PTGDR: variants seen among roughly 807,000 people sequenced by gnomAD.
PTGDR encodes PGD2 receptor.
PTGDR carries 19 observed loss-of-function variants against 17.4 expected under a neutral mutation model. That is an observed-to-expected ratio of 1.09 (90% CI 0.76 to 1.60). The LOEUF is 1.60. Among genes scored for constraint, PTGDR ranks in the 40% most tolerant of loss-of-function variants. The probability of loss-of-function intolerance (pLI) is 0.00; values close to 1 mark genes in which losing one functional copy is unlikely to be tolerated. For missense variants in PTGDR, 526 were observed against 481.9 expected, an observed-to-expected ratio of 1.09 and a Z score of -0.86; for synonymous variants, 267 against 224.2, an observed-to-expected ratio of 1.19 and a Z score of -1.71.
intron 1 of PTGDR, chr14:52,269,524 C>T: frequency 6.5e-7 from 1 of 1,534,724 alleles, no homozygotes. Flanking sequence ...CAGTGCTGCT[C>T]CTCTCCTTTC....
downstream of PTGDR, among the ~76,000 whole-genome samples, chr14:52,278,325 G>T (rs1472446287): frequency 3.3e-5 from 5 of 152,194 alleles, no homozygotes; most frequent in African/African-American, 1.2e-4. Context: ...TAGGGACATG[G>T]ATGAAACTGG....
At chr14:52,270,982 A>T (rs1395984793) in intron 1 of PTGDR, among the ~76,000 whole-genome samples, 1 of 152,234 alleles carries the variant, frequency 6.6e-6, no homozygotes, top group African/African-American at 2.4e-5. Context: ...TGTTGACAGC[A>T]TTCTTCACAA....
downstream of PTGDR, among the ~76,000 whole-genome samples, chr14:52,279,683 C>A (rs1238195457): frequency 6.6e-6 from 1 of 152,044 alleles, no homozygotes; most frequent in Non-Finnish European, 1.5e-5. Context: ...ACATTCTAGT[C>A]TTCCAGATAT....
At chr14:52,269,625 A>G (rs2033287749) in intron 1 of PTGDR, 1 of 1,115,276 alleles carries the variant, frequency 9.0e-7, no homozygotes, top group Non-Finnish European at 1.3e-6. Context: ...TGTGAATAGG[A>G]AAGTTGTTAA....
At chr14:52,268,815 T>C (rs569989769) in intron 1 of PTGDR, among the ~76,000 whole-genome samples, 155 bp downstream of exon 1, 4 of 152,252 alleles carry the variant, frequency 2.6e-5, no homozygotes, top group African/African-American at 9.6e-5. Context: ...ATTGGATTCC[T>C]TCCACAGCCC....
chr14:52,268,715 CG>C, intron 1 of PTGDR, 55 bp downstream of exon 1: 1 of 1,501,910 alleles, frequency 6.7e-7, no homozygotes, highest in Non-Finnish European at 8.9e-7. Flanking sequence ...GCCGCGGATG[CG>C]GGGCGGGAAG....
In PTGDR at chr14:52,274,981, G is replaced by A; in HGVS notation, c.*17G>A. The A allele has an allele frequency of 6.7e-7, 1 of 1,486,514 alleles. No individual in the cohort carries two copies. Among genetic ancestry groups the A allele is most frequent in the Admixed American group, 1.8e-5 (1 of 54,886 alleles). 92.1% of individuals were successfully genotyped at this position (1,486,514 alleles called of 1,614,324 possible). A position where few individuals can be genotyped will look rare whatever the true frequency, so the allele number is the denominator to read the frequency against. Reference sequence around the variant, plus strand: ...AGTCTGTGACAGTGTTTTTCACTCTGTGGTAAGCTGAGGAATATGTCACAT... The same window carrying A: ...AGTCTGTGACAGTGTTTTTCACTCTATGGTAAGCTGAGGAATATGTCACAT... On this transcript the variant is annotated 3_prime_UTR_variant, in exon 2 of 2. Transcript: ENST00000306051.
rs1250512732 is a variant in PTGDR, at chr14:52,268,286, G to A, written c.472G>A (p.Ala158Thr). The change falls in exon 1 of 2, where the codon GCC becomes ACC. Residue 158 changes from alanine to threonine, a missense_variant. Ala to Thr is a moderately conservative substitution (Grantham distance 58, BLOSUM62 0). Coordinates refer to ENST00000306051, the MANE Select transcript of PTGDR (RefSeq NM_000953.3). ...LGALVAPVVSAFSLAFCALPF... is the reference protein window; with the variant it reads ...LGALVAPVVSTFSLAFCALPF... Reference sequence around the variant, plus strand: ...CGCACTGGTGGCCCCGGTGGTGAGCGCCTTCTCCCTGGCTTTCTGCGCGCT... The same window carrying A: ...CGCACTGGTGGCCCCGGTGGTGAGCACCTTCTCCCTGGCTTTCTGCGCGCT... 1.9e-6 allele frequency: 3 copies of A among 1,613,768 alleles called. No individual in the cohort carries two copies. Among genetic ancestry groups the A allele is most frequent in the South Asian group, 2.2e-5 (2 of 91,090 alleles).
At chr14:52,273,562 G>A (rs2047397184) in intron 1 of PTGDR, among the ~76,000 whole-genome samples, 3 of 152,172 alleles carry the variant, frequency 2.0e-5, no homozygotes, top group Admixed American at 2.0e-4. Context: ...ATGGGCGAGG[G>A]CATCCAGATT....
intron 1 of PTGDR, among the ~76,000 whole-genome samples, chr14:52,268,971 T>A (rs1264384023): frequency 1.3e-5 from 2 of 152,200 alleles, no homozygotes; most frequent in Non-Finnish European, 2.9e-5. Flanking sequence ...TGGGGAGATC[T>A]CGAGGTCATT....
intron 1 of PTGDR, among the ~76,000 whole-genome samples, chr14:52,271,079 G>A (rs536429799): frequency 3.3e-5 from 5 of 152,292 alleles, no homozygotes; most frequent in Admixed American, 1.3e-4. Flanking sequence ...TATGGTAGCA[G>A]CTAATTTACC....
intron 1 of PTGDR, among the ~76,000 whole-genome samples, chr14:52,271,613 A>AG (rs1418723785): frequency 1.8e-4 from 28 of 152,270 alleles, no homozygotes; most frequent in Admixed American, 1.8e-3. Flanking sequence ...AGAGCACAAA[A>AG]GTACTGAAAA....
At position 52,268,394 on chromosome 14, in the gene PTGDR, C is replaced by T; in HGVS notation, c.580C>T (p.Leu194=). 6.2e-7 allele frequency: 1 copy of T among 1,611,810 alleles called. No homozygotes were observed. The highest frequency in any genetic ancestry group is 8.5e-7 in the Non-Finnish European group (1 of 1,180,036). The change falls in exon 1 of 2, where the codon CTG becomes TTG. Residue 194 remains leucine, a synonymous_variant. Coordinates refer to ENST00000306051, the MANE Select transcript of PTGDR (RefSeq NM_000953.3). ...FIQMVHEEGS[L]SVLGYSVLYS... ...CCAGATGGTCCACGAGGAGGGCTCG[C>T]TGTCGGTGCTGGGGTACTCTGTGCT...
chr14:52,279,085 CATAT>C (rs2033461682), downstream of PTGDR, among the ~76,000 whole-genome samples: 6 of 152,058 alleles, frequency 3.9e-5, no homozygotes, highest in South Asian at 1.2e-3. Context: ...TAGTAATTCA[CATAT>C]ATACTGTAGA....
chr14:52,271,159 G>T (rs565091679), intron 1 of PTGDR, among the ~76,000 whole-genome samples: 1 of 152,194 alleles, frequency 6.6e-6, no homozygotes, highest in East Asian at 1.9e-4. Context: ...TAGTAATGAA[G>T]ATTTGAAATT....
chr14:52,278,863 AT>A (rs1397521143), downstream of PTGDR, among the ~76,000 whole-genome samples: 1 of 152,154 alleles, frequency 6.6e-6, no homozygotes, highest in South Asian at 2.1e-4. Context: ...ATTGTCAAAG[AT>A]TATATTTAAA....
chr14:52,278,829 T>G (rs1475142420), downstream of PTGDR, among the ~76,000 whole-genome samples: 1 of 152,130 alleles, frequency 6.6e-6, no homozygotes, highest in Non-Finnish European at 1.5e-5. Context: ...GAAGATAAAC[T>G]AAAGAGCCTT....
chr14:52,268,750 C>T (rs981125591), intron 1 of PTGDR, 90 bp downstream of exon 1: 26 of 1,368,714 alleles, frequency 1.9e-5, no homozygotes, highest in Non-Finnish European at 2.6e-5. Flanking sequence ...GGGATGGACG[C>T]GGCGCCAGGC....
At chr14:52,273,370 A>G (rs2033358700) in intron 1 of PTGDR, among the ~76,000 whole-genome samples, 1 of 152,186 alleles carries the variant, frequency 6.6e-6, no homozygotes, top group South Asian at 2.1e-4. Context: ...TATTCTCTAC[A>G]CTTGCACTTT....
Sources: gnomAD v4.1 joint callset for allele counts (sites outside exome capture counted in the v4.1 genomes callset) on GRCh38, gnomAD v4.1.1 for gene constraint, MANE v1.5 for transcripts, NCBI Gene and HGNC (gene_info 2026-07-23, HGNC 2026-07-21) for gene names.